C10orf143: variants seen among roughly 807,000 people sequenced by gnomAD.
C10orf143 encodes the protein uncharacterized protein C10orf143.
At chr10:130,049,561 G>A (rs929492294) in intron 3 of C10orf143, among the ~76,000 whole-genome samples, 1 of 152,186 alleles carries the variant, frequency 6.6e-6, no homozygotes, top group African/African-American at 2.4e-5. Flanking sequence ...GTCCTGGGCA[G>A]GGGCTTGGGG....
At chr10:130,066,890 C>T (rs1453326961) in intron 3 of C10orf143, 1 of 152,200 alleles carries the variant, frequency 6.6e-6, no homozygotes, top group Non-Finnish European at 1.5e-5. Context: ...GACTGTGAGT[C>T]TTACTGCAGA....
Position 130,048,388 on chromosome 10 carries a change from G to A in C10orf143, c.298-12418C>T, listed in dbSNP as rs534783148. Among the ~76,000 whole-genome samples, 11 of 152,204 alleles carry A rather than the reference G, an allele frequency of 7.2e-5. No homozygotes were observed. In the South Asian group the frequency reaches 1.0e-3, roughly 14 times the overall value. ...GAGTAGGTTCCCTCTCTCCTGGGGCGCCCAATCTCTGCCATCCCCCTCCTT... is the reference window on the plus strand; with the variant it reads ...GAGTAGGTTCCCTCTCTCCTGGGGCACCCAATCTCTGCCATCCCCCTCCTT... On this transcript the variant is annotated intron_variant and NMD_transcript_variant, in intron 3 of 5. Transcript: ENST00000643056.
intron 1 of C10orf143, among the ~76,000 whole-genome samples, chr10:130,092,355 C>G (rs1861395896): frequency 6.6e-6 from 1 of 152,128 alleles, no homozygotes; most frequent in Admixed American, 6.5e-5. Flanking sequence ...CCTTTACAGA[C>G]AAGCAAATGC....
chr10:130,100,159 C>T (rs532786100), intron 1 of C10orf143, among the ~76,000 whole-genome samples: 1 of 151,952 alleles, frequency 6.6e-6, no homozygotes, highest in East Asian at 1.9e-4. Flanking sequence ...AAACTCTGAC[C>T]CAAACTGTAT....
intron 1 of C10orf143, among the ~76,000 whole-genome samples, chr10:130,082,332 G>A (rs910043887): frequency 1.3e-5 from 2 of 151,894 alleles, no homozygotes; most frequent in Non-Finnish European, 1.5e-5. Context: ...TTTAATATAC[G>A]GTCCCAGGAC....
chr10:130,103,923 C>T (rs1000897020), intron 1 of C10orf143, among the ~76,000 whole-genome samples: 1 of 151,948 alleles, frequency 6.6e-6, no homozygotes, highest in Non-Finnish European at 1.5e-5. Context: ...TAAAATGTTG[C>T]TCTACCCAAG....
chr10:130,079,443 T>C (rs1861169825), intron 3 of C10orf143, 123 bp downstream of exon 3: 2 of 397,418 alleles, frequency 5.0e-6, no homozygotes, highest in African/African-American at 4.1e-5. Context: ...ATTTTCACCT[T>C]TTTATTTATG....
chr10:130,093,771 GGGA>G (rs1861419767), intron 1 of C10orf143, among the ~76,000 whole-genome samples: 1 of 152,124 alleles, frequency 6.6e-6, no homozygotes, highest in Non-Finnish European at 1.5e-5. Flanking sequence ...CCAGCACTTT[GGGA>G]GGCCGAGGCG....
At chr10:130,036,856 C>G (rs1245151402) in intron 3 of C10orf143, among the ~76,000 whole-genome samples, 4 of 152,204 alleles carry the variant, frequency 2.6e-5, no homozygotes, top group African/African-American at 9.6e-5. Flanking sequence ...ATGGGCCTGT[C>G]CTGGAGCGCC....
intron 3 of C10orf143, among the ~76,000 whole-genome samples, chr10:130,053,038 G>A (rs559937058): frequency 6.9e-5 from 10 of 144,244 alleles, no homozygotes; most frequent in African/African-American, 2.3e-4. Context: ...GTTTTGTTAC[G>A]CTAGAAGTTT....
At chr10:130,106,252 G>A (rs1271856938) in intron 1 of C10orf143, 1 of 1,511,656 alleles carries the variant, frequency 6.6e-7, no homozygotes, top group South Asian at 1.1e-5. Context: ...TTAGGAGTCG[G>A]CTTTATGTGG....
At chr10:130,070,255 C>G (rs1305724461) in intron 3 of C10orf143, among the ~76,000 whole-genome samples, 3 of 152,272 alleles carry the variant, frequency 2.0e-5, no homozygotes, top group Admixed American at 2.0e-4. Flanking sequence ...GTTCTCTGTT[C>G]TTGAGTCAGT....
chr10:130,062,726 T>TCACCTTGTGATCATGGGACCTCA (rs1860870177), downstream of C10orf143, among the ~76,000 whole-genome samples: 3 of 152,146 alleles, frequency 2.0e-5, no homozygotes, highest in African/African-American at 7.2e-5. Flanking sequence ...AAGTCAATAC[T>TCACCTTGTGATCATGGGACCTCA]CCTTAATAAA....
At chr10:130,059,696 CA>C (rs1860833597), downstream of C10orf143, among the ~76,000 whole-genome samples, 1 of 152,084 alleles carries the variant, frequency 6.6e-6, no homozygotes, top group African/African-American at 2.4e-5. Context: ...GCGAAATCAG[CA>C]CAAACTCTAT....
chr10:130,085,103 G>T (rs1315935532), intron 1 of C10orf143, among the ~76,000 whole-genome samples: 6 of 152,152 alleles, frequency 3.9e-5, no homozygotes, highest in Non-Finnish European at 5.9e-5. Context: ...ATTAACAAAT[G>T]CAAAAGGAAA....
At chr10:130,094,407 G>A (rs757013272) in intron 1 of C10orf143, among the ~76,000 whole-genome samples, 56 of 152,072 alleles carry the variant, frequency 3.7e-4, no homozygotes, top group Admixed American at 2.6e-4. Flanking sequence ...ACCAAAATCT[G>A]GCAGAGACAC....
chr10:130,050,340 C>T (rs1002630084), intron 3 of C10orf143, among the ~76,000 whole-genome samples: 2 of 152,196 alleles, frequency 1.3e-5, no homozygotes, highest in South Asian at 2.1e-4. Context: ...GAAGCCAAGG[C>T]GGGAGGATCA....
At chr10:130,107,696 G>C (rs1861679250) in intron 1 of C10orf143, 1 of 1,260,210 alleles carries the variant, frequency 7.9e-7, no homozygotes, top group Non-Finnish European at 1.2e-6. Flanking sequence ...TTTGCCTCCA[G>C]GGGGGGAAGG....
intron 4 of C10orf143, among the ~76,000 whole-genome samples, chr10:130,035,305 CTCT>C (rs1385573555): frequency 6.6e-6 from 1 of 152,202 alleles, no homozygotes; most frequent in Admixed American, 6.5e-5. Flanking sequence ...TCTTTGCCTC[CTCT>C]TCTTCTATCC....
Sources: allele counts gnomAD v4.1 joint callset (sites outside exome capture counted in the v4.1 genomes callset), GRCh38; gene constraint gnomAD v4.1.1; transcripts MANE v1.5; gene names NCBI Gene and HGNC (gene_info 2026-07-23, HGNC 2026-07-21).